The following PSMD14 variants were observed in gnomAD, a reference collection of about 807,000 sequenced individuals.
PSMD14 encodes ubiquitin C-terminal hydrolase PSMD14.
A neutral mutation model predicts 41.2 loss-of-function variants in PSMD14; 7 were observed. That is an observed-to-expected ratio of 0.17 (90% CI 0.10 to 0.32). The LOEUF is 0.32. Ranked by LOEUF, PSMD14 falls within the 10% of genes least tolerant of loss-of-function variation. PSMD14 has a pLI of 1.00. For missense variants in PSMD14, 139 were observed against 375.6 expected (o/e 0.37, Z 5.21); for synonymous variants, 114 against 122.3 (o/e 0.93, Z 0.45).
At chr2:161,353,772 T>G (rs1280329123) in intron 3 of PSMD14, among the ~76,000 whole-genome samples, 1 of 152,206 alleles carries the variant, frequency 6.6e-6, no homozygotes, top group African/African-American at 2.4e-5. Context: ...TTCCTACTTG[T>G]GTGTAGCTAG....
intron 7 of PSMD14, among the ~76,000 whole-genome samples, chr2:161,378,074 T>C (rs1683525107): frequency 6.6e-6 from 1 of 151,998 alleles, no homozygotes; most frequent in Non-Finnish European, 1.5e-5. Flanking sequence ...AGGATATTTC[T>C]GGACCTGGGA....
intron 10 of PSMD14, among the ~76,000 whole-genome samples, chr2:161,403,028 A>G (rs1683901492): frequency 6.6e-6 from 1 of 152,368 alleles, no homozygotes; most frequent in South Asian, 2.1e-4. Flanking sequence ...TGAGCCAGCA[A>G]TTCTGCTCAT....
intron 3 of PSMD14, among the ~76,000 whole-genome samples, chr2:161,335,074 A>G (rs559331543): frequency 2.0e-5 from 3 of 152,358 alleles, no homozygotes; most frequent in East Asian, 3.9e-4. Context: ...TTATGCTTCT[A>G]ATTAACAGAA....
intron 3 of PSMD14, among the ~76,000 whole-genome samples, chr2:161,358,834 G>C (rs768141115): frequency 2.7e-4 from 41 of 152,104 alleles, no homozygotes; most frequent in Non-Finnish European, 4.7e-4. Context: ...CCAGCTACTT[G>C]GGAGGCTGAG....
chr2:161,406,436 GC>G (rs1683948106), intron 10 of PSMD14, among the ~76,000 whole-genome samples: 1 of 152,162 alleles, frequency 6.6e-6, no homozygotes, highest in Non-Finnish European at 1.5e-5. Flanking sequence ...CACAGAAGTT[GC>G]CATAAACACA....
chr2:161,341,099 C>A, intron 3 of PSMD14: 1 of 1,473,110 alleles, frequency 6.8e-7, no homozygotes. Context: ...GCCCCGCGGG[C>A]TCTCCAGGCT....
intron 3 of PSMD14, among the ~76,000 whole-genome samples, chr2:161,329,502 CT>C (rs796939966): frequency 1.6e-4 from 24 of 151,898 alleles, no homozygotes; most frequent in African/African-American, 5.8e-4. Flanking sequence ...TTCTGGTTAC[CT>C]TTTTTTTCTT....
intron 10 of PSMD14, among the ~76,000 whole-genome samples, chr2:161,402,518 G>A (rs750449543): frequency 6.6e-6 from 1 of 151,942 alleles, no homozygotes; most frequent in Admixed American, 6.6e-5. Context: ...GCATGCACCC[G>A]TGGTCCCAGC....
At chr2:161,387,186 A>G (rs181523051) in intron 8 of PSMD14, among the ~76,000 whole-genome samples, 102 of 152,112 alleles carry the variant, frequency 6.7e-4, no homozygotes, top group Admixed American at 2.7e-3. Context: ...GACAATTTCA[A>G]TACTAAAACA....
At chr2:161,321,468 T>C (rs1362902960) in intron 3 of PSMD14, among the ~76,000 whole-genome samples, 2 of 152,234 alleles carry the variant, frequency 1.3e-5, no homozygotes, top group African/African-American at 2.4e-5. Context: ...GTTGCTACTT[T>C]ACTGGCTTGA....
intron 3 of PSMD14, 122 bp downstream of exon 3, chr2:161,318,995 CT>C: frequency 1.5e-6 from 1 of 657,150 alleles, no homozygotes; most frequent in Non-Finnish European, 2.5e-6. Context: ...TGGTAAGAAT[CT>C]TACCTTATTG....
intron 3 of PSMD14, among the ~76,000 whole-genome samples, chr2:161,339,751 A>G (rs1682923496): frequency 6.6e-6 from 1 of 152,274 alleles, no homozygotes; most frequent in Admixed American, 6.5e-5. Context: ...GAAGGCAATG[A>G]CTGTGTGGCT....
intron 8 of PSMD14, among the ~76,000 whole-genome samples, chr2:161,389,854 T>A (rs11677317): frequency 6.7e-6 from 1 of 150,028 alleles, no homozygotes. Flanking sequence ...CTTGGACAAA[T>A]TAATATTTGT....
At chr2:161,378,096 C>T (rs887900036) in intron 7 of PSMD14, among the ~76,000 whole-genome samples, 2 of 151,772 alleles carry the variant, frequency 1.3e-5, no homozygotes, top group African/African-American at 2.4e-5. Flanking sequence ...TTAGTTTTGT[C>T]AGGTTTAATG....
chr2:161,354,259 G>A (rs906537893), intron 3 of PSMD14, among the ~76,000 whole-genome samples: 4 of 151,982 alleles, frequency 2.6e-5, no homozygotes, highest in African/African-American at 9.7e-5. Flanking sequence ...ATGGTGGGGG[G>A]TTGGTGGAGA....
chr2:161,390,623 A>G (rs936404334), intron 8 of PSMD14, among the ~76,000 whole-genome samples: 5 of 152,294 alleles, frequency 3.3e-5, no homozygotes, highest in African/African-American at 1.2e-4. Flanking sequence ...CCACATAGTT[A>G]ATTTGGAGAC....
At chr2:161,344,519 T>G (rs1683013476) in intron 3 of PSMD14, among the ~76,000 whole-genome samples, 1 of 152,236 alleles carries the variant, frequency 6.6e-6, no homozygotes, top group Non-Finnish European at 1.5e-5. Flanking sequence ...ATTCAGTCCA[T>G]AATAAAAATT....
chr2:161,326,832 C>A (rs1479566873), intron 3 of PSMD14, among the ~76,000 whole-genome samples: 1 of 152,174 alleles, frequency 6.6e-6, no homozygotes, highest in Non-Finnish European at 1.5e-5. Flanking sequence ...ATACATTAAA[C>A]CATCTATAAA....
intron 6 of PSMD14, 61 bp from the exon 7 acceptor site, chr2:161,371,111 T>G: frequency 1.3e-6 from 2 of 1,533,972 alleles, no homozygotes; most frequent in Non-Finnish European, 1.8e-6. Context: ...GTTGTTTCTT[T>G]TCATATCATA....
Sources: allele counts gnomAD v4.1 joint callset (sites outside exome capture counted in the v4.1 genomes callset), GRCh38; gene constraint gnomAD v4.1.1; transcripts MANE v1.5; gene names NCBI Gene and HGNC (gene_info 2026-07-23, HGNC 2026-07-21).